CDC14B: variants seen among roughly 807,000 people sequenced by gnomAD.
CDC14B encodes dual specificity protein phosphatase CDC14B.
CDC14B carries 22 observed loss-of-function variants against 64.2 expected under a neutral mutation model. That is an observed-to-expected ratio of 0.34 (90% CI 0.24 to 0.49). The LOEUF (loss-of-function observed/expected upper bound fraction) is 0.49, where lower values mean the gene tolerates loss of function less well. Among genes scored for constraint, CDC14B ranks in the 20% least tolerant of loss-of-function variants. The pLI, the probability that CDC14B is intolerant of heterozygous loss-of-function variation, is 0.99. For missense variants in CDC14B, 498 were observed against 629.9 expected, an observed-to-expected ratio of 0.79 and a Z score of 2.24; for synonymous variants, 191 against 215.8, an observed-to-expected ratio of 0.89 and a Z score of 1.01.
chr9:96,608,388 C>T (rs907781694), intron 1 of CDC14B, among the ~76,000 whole-genome samples: 3 of 152,148 alleles, frequency 2.0e-5, no homozygotes, highest in East Asian at 1.9e-4. Flanking sequence ...TTCACTTTCA[C>T]GTATTAGCTG....
rs1022632249 is a variant in CDC14B at position 96,610,817 on chromosome 9, G to A, written c.160+8402C>T. On this transcript the variant is annotated intron_variant, in intron 1 of 13. Coordinates refer to ENST00000375241, the MANE Select transcript of CDC14B (RefSeq NM_033331.4). Reference sequence around the variant, plus strand: ...ATTCATATTAATCCAATGAAATATCGCAGAAACTACTTTCAGTATTAACTA... The same window carrying A: ...ATTCATATTAATCCAATGAAATATCACAGAAACTACTTTCAGTATTAACTA... 4.6e-5 allele frequency among the ~76,000 whole-genome samples: 7 copies of A among 151,926 alleles called. 1 individual carries two copies. In the South Asian group the frequency reaches 8.3e-4, roughly 18 times the overall value.
At chr9:96,556,478 T>C (rs1842518705) in intron 4 of CDC14B, among the ~76,000 whole-genome samples, 1 of 151,700 alleles carries the variant, frequency 6.6e-6, no homozygotes, top group Admixed American at 6.6e-5. Context: ...AAAAAGTAAA[T>C]AAAATCACTT....
intron 1 of CDC14B, among the ~76,000 whole-genome samples, chr9:96,590,019 T>A (rs1364144437): frequency 6.6e-6 from 1 of 152,016 alleles, no homozygotes; most frequent in African/African-American, 2.4e-5. Flanking sequence ...AAAATTACCA[T>A]CTTAGCCATT....
chr9:96,502,647 T>C lies in CDC14B; in HGVS notation c.*1106A>G. The C allele has an allele frequency of 2.7e-6, 1 of 374,970 alleles. No homozygotes were observed. The highest frequency in any genetic ancestry group is 4.7e-6 in the Non-Finnish European group (1 of 212,098). 23.2% of individuals were successfully genotyped at this position (374,970 alleles called of 1,614,324 possible). On this transcript the variant is annotated 3_prime_UTR_variant, in exon 14 of 14. Coordinates refer to ENST00000375241, the MANE Select transcript of CDC14B (RefSeq NM_033331.4). ...CAATTCTGTTTCTGTAACTGCTTCA[T>C]GGCACAGACTCTGCTGTGTTCCAGT...
chr9:96,509,637 T>C (rs375178708), intron 13 of CDC14B, 36 bp downstream of exon 13: 184 of 1,302,232 alleles, frequency 1.4e-4, no homozygotes, highest in Non-Finnish European at 2.0e-4. Context: ...AAACAAACGC[T>C]TGCAACTTTT....
At chr9:96,522,232 G>A (rs578141990) in intron 12 of CDC14B, among the ~76,000 whole-genome samples, 74 of 152,222 alleles carry the variant, frequency 4.9e-4, no homozygotes, top group African/African-American at 1.5e-3. Context: ...CTGCTGTCGC[G>A]CTCCTGAGGA....
intron 1 of CDC14B, among the ~76,000 whole-genome samples, chr9:96,613,469 A>G (rs1847442419): frequency 2.0e-5 from 3 of 152,226 alleles, no homozygotes; most frequent in Non-Finnish European, 4.4e-5. Context: ...TCTGTGCCCA[A>G]CTACTCTGTA....
At chr9:96,618,636 G>C (rs546868927) in intron 1 of CDC14B, 2 of 528,400 alleles carry the variant, frequency 3.8e-6, no homozygotes, top group African/African-American at 3.8e-5. Flanking sequence ...CGTTCGGGGG[G>C]CGCGCTAGGG....
At chr9:96,532,765 A>G (rs917722590) in intron 9 of CDC14B, among the ~76,000 whole-genome samples, 3 of 152,126 alleles carry the variant, frequency 2.0e-5, no homozygotes, top group South Asian at 2.1e-4. Flanking sequence ...TGAATTTTTC[A>G]TCTCAGTTTT....
chr9:96,555,231 G>C (rs1367989415), intron 4 of CDC14B, among the ~76,000 whole-genome samples: 3 of 152,148 alleles, frequency 2.0e-5, no homozygotes, highest in African/African-American at 7.2e-5. Context: ...GATTTCAGAG[G>C]CTAGATCATA....
chr9:96,555,936 G>A (rs1237920061), intron 4 of CDC14B, among the ~76,000 whole-genome samples: 1 of 146,842 alleles, frequency 6.8e-6, no homozygotes, highest in Non-Finnish European at 1.5e-5. Context: ...AACCTCGGAG[G>A]TATTGAACTA....
intron 1 of CDC14B, among the ~76,000 whole-genome samples, chr9:96,583,616 G>C (rs1307970089): frequency 2.0e-5 from 3 of 151,910 alleles, no homozygotes; most frequent in Non-Finnish European, 4.4e-5. Flanking sequence ...GGCTGGTCTG[G>C]AAATCCCGAC....
At chr9:96,564,970 C>A in intron 2 of CDC14B, 118 bp from the exon 3 acceptor site, 1 of 614,198 alleles carries the variant, frequency 1.6e-6, no homozygotes, top group Non-Finnish European at 2.8e-6. Context: ...TTGTTATGGG[C>A]CAATACAACT....
chr9:96,516,468 T>C (rs1382346356), intron 12 of CDC14B, among the ~76,000 whole-genome samples: 1 of 152,078 alleles, frequency 6.6e-6, no homozygotes, highest in Non-Finnish European at 1.5e-5. Flanking sequence ...TTCTTTCTTA[T>C]TTTTTATTTT....
At chr9:96,578,823 T>A (rs1265212823) in intron 1 of CDC14B, among the ~76,000 whole-genome samples, 1 of 152,184 alleles carries the variant, frequency 6.6e-6, no homozygotes, top group Non-Finnish European at 1.5e-5. Flanking sequence ...TATTGGTTTC[T>A]TTTTCTTTTC....
chr9:96,574,363 T>C (rs1386675352), intron 1 of CDC14B, among the ~76,000 whole-genome samples: 1 of 152,046 alleles, frequency 6.6e-6, no homozygotes, highest in Non-Finnish European at 1.5e-5. Flanking sequence ...TTGTCCATGT[T>C]TTTGGGTGTG....
intron 1 of CDC14B, among the ~76,000 whole-genome samples, chr9:96,574,316 A>G (rs1388004131): frequency 6.6e-6 from 1 of 152,152 alleles, no homozygotes; most frequent in Non-Finnish European, 1.5e-5. Context: ...TTACAAATCA[A>G]TGGGAGAAGA....
At chr9:96,508,627 G>A (rs747595438) in intron 13 of CDC14B, among the ~76,000 whole-genome samples, 64 of 152,162 alleles carry the variant, frequency 4.2e-4, no homozygotes, top group Non-Finnish European at 7.3e-4. Flanking sequence ...TCCTTATGCC[G>A]GGGCACTGCT....
downstream of CDC14B, among the ~76,000 whole-genome samples, chr9:96,497,353 C>T (rs571794678): frequency 2.4e-3 from 367 of 152,334 alleles, 5 homozygotes; most frequent in Middle Eastern, 0.01. Context: ...CCAGGGACCC[C>T]CGAGGCGCTG....
Sources: gnomAD v4.1 joint callset for allele counts (sites outside exome capture counted in the v4.1 genomes callset) on GRCh38, gnomAD v4.1.1 for gene constraint, MANE v1.5 for transcripts, NCBI Gene and HGNC (gene_info 2026-07-23, HGNC 2026-07-21) for gene names.